Variants in SLC25A21 observed in about 807,000 individuals in gnomAD.
The protein encoded by SLC25A21 is solute carrier family 25 member 21.
A neutral mutation model predicts 43.8 loss-of-function variants in SLC25A21; 47 were observed. The ratio of observed to expected loss-of-function variants is 1.07; its 90% CI spans 0.85 to 1.37. SLC25A21 has a LOEUF of 1.37. Among genes scored for constraint, SLC25A21 ranks in the 40% most tolerant of loss-of-function variants. The pLI, the probability that SLC25A21 is intolerant of heterozygous loss-of-function variation, is 0.00. For missense variants in SLC25A21, 352 were observed against 350.2 expected, an observed-to-expected ratio of 1.00 and a Z score of -0.04; for synonymous variants, 131 against 121.3, an observed-to-expected ratio of 1.08 and a Z score of -0.52.
At position 37,151,789 on chromosome 14, in the gene SLC25A21, C is replaced by T. The variant is rs746558085; in HGVS notation, c.70+20492G>A. 1.6e-4 allele frequency among the ~76,000 whole-genome samples: 24 copies of T among 152,312 alleles called. No individual in the cohort carries two copies. The Middle Eastern group carries it at 0.014, about 86-fold the overall frequency. On this transcript the variant is annotated intron_variant, in intron 1 of 9. Coordinates refer to ENST00000331299, the MANE Select transcript of SLC25A21 (RefSeq NM_030631.4). ...ATTGGCTCATGCCTGGAATCCAGCA[C>T]TTTGGGAGGCCAAGGCGGGCAGATC...
chr14:36,707,928 T>C (rs1317981119), intron 7 of SLC25A21, among the ~76,000 whole-genome samples: 1 of 152,012 alleles, frequency 6.6e-6, no homozygotes, highest in African/African-American at 2.4e-5. Flanking sequence ...AGTTCAAGAC[T>C]AGCCTGGGCA....
At chr14:36,871,086 G>C (rs1029837471) in intron 2 of SLC25A21, 3 of 152,406 alleles carry the variant, frequency 2.0e-5, no homozygotes, top group Admixed American at 6.5e-5. Context: ...AGTCTGAGCA[G>C]AGTGTCCCCT....
rs979232225 is a variant in SLC25A21, at chr14:37,025,055, C to G, written c.70+147226G>C. 9.9e-5 allele frequency among the ~76,000 whole-genome samples: 15 copies of G among 151,962 alleles called. 1 individual carries two copies. The South Asian group carries it at 1.9e-3, about 19-fold the overall frequency. On this transcript the variant is annotated intron_variant, in intron 1 of 9. Coordinates refer to ENST00000331299, the MANE Select transcript of SLC25A21 (RefSeq NM_030631.4). Reference sequence around the variant, plus strand: ...AGGCTTCAAAGTGGGGGACAAGTATCTTTTTAAAAAAAAATAGTGACAGGC... The same window carrying G: ...AGGCTTCAAAGTGGGGGACAAGTATGTTTTTAAAAAAAAATAGTGACAGGC...
intron 1 of SLC25A21, among the ~76,000 whole-genome samples, chr14:36,971,946 C>T (rs1166866635): frequency 6.6e-6 from 1 of 151,980 alleles, no homozygotes; most frequent in Non-Finnish European, 1.5e-5. Flanking sequence ...GACACAAATA[C>T]TATTGGGGAT....
chr14:37,043,890 A>C (rs1323781709), intron 1 of SLC25A21, among the ~76,000 whole-genome samples: 1 of 147,812 alleles, frequency 6.8e-6, no homozygotes, highest in African/African-American at 2.5e-5. Context: ...GTGCACCATC[A>C]TGTCTGGCTA....
intron 1 of SLC25A21, among the ~76,000 whole-genome samples, chr14:36,921,326 A>G (rs1891975655): frequency 6.6e-6 from 1 of 152,172 alleles, no homozygotes; most frequent in African/African-American, 2.4e-5. Context: ...GTTCATACAG[A>G]GTGCATATAT....
chr14:36,906,027 T>C (rs573515938), intron 1 of SLC25A21, among the ~76,000 whole-genome samples: 179 of 152,292 alleles, frequency 1.2e-3, no homozygotes, highest in Non-Finnish European at 2.1e-3. Flanking sequence ...GTCTTTCCCA[T>C]ATTCAAAATA....
At chr14:37,096,883 T>G (rs945800138) in intron 1 of SLC25A21, among the ~76,000 whole-genome samples, 1 of 152,164 alleles carries the variant, frequency 6.6e-6, no homozygotes, top group Non-Finnish European at 1.5e-5. Context: ...TTATTTAGTC[T>G]GTCTAGTGAA....
intron 5 of SLC25A21, among the ~76,000 whole-genome samples, chr14:36,726,678 G>A (rs919303630): frequency 3.9e-5 from 6 of 152,020 alleles, no homozygotes; most frequent in Admixed American, 6.6e-5. Flanking sequence ...TCAAAAATAA[G>A]CACAACAATT....
intron 1 of SLC25A21, among the ~76,000 whole-genome samples, chr14:37,080,523 C>A (rs1340398661): frequency 6.6e-6 from 1 of 152,062 alleles, no homozygotes; most frequent in East Asian, 1.9e-4. Flanking sequence ...TCGCCTGAGC[C>A]CAGGAGGTCG....
chr14:36,692,955 CA>C (rs1882853204), intron 7 of SLC25A21, among the ~76,000 whole-genome samples: 1 of 152,162 alleles, frequency 6.6e-6, no homozygotes, highest in Admixed American at 6.5e-5. Flanking sequence ...GGGGGTATCA[CA>C]AAAGTATTTC....
chr14:37,042,579 T>G (rs1961497180), intron 1 of SLC25A21, among the ~76,000 whole-genome samples: 1 of 152,206 alleles, frequency 6.6e-6, no homozygotes, highest in Admixed American at 6.5e-5. Context: ...ATATGTAAAA[T>G]ATGTCTGTAG....
intron 3 of SLC25A21, among the ~76,000 whole-genome samples, chr14:36,750,526 T>C (rs1253493131): frequency 1.3e-5 from 2 of 152,210 alleles, no homozygotes; most frequent in African/African-American, 4.8e-5. Flanking sequence ...AGACATTGTA[T>C]GAGACATGAG....
chr14:37,114,793 G>T (rs1485537467), intron 1 of SLC25A21, among the ~76,000 whole-genome samples: 2 of 151,628 alleles, frequency 1.3e-5, no homozygotes, highest in African/African-American at 4.9e-5. Flanking sequence ...TATGGCGGGG[G>T]GGGAATTGGT....
At chr14:36,874,028 C>T (rs545577576) in intron 2 of SLC25A21, among the ~76,000 whole-genome samples, 155 of 152,330 alleles carry the variant, frequency 1.0e-3, no homozygotes, top group African/African-American at 3.7e-3. Flanking sequence ...CCCATCTTCC[C>T]TACCTCTATT....
chr14:37,084,419 C>A (rs1767701014), intron 1 of SLC25A21, among the ~76,000 whole-genome samples: 2 of 152,176 alleles, frequency 1.3e-5, no homozygotes, highest in Admixed American at 1.3e-4. Context: ...TGGTAGAGAA[C>A]TGTAAAACAG....
chr14:36,904,996 T>C (rs2138603427), intron 1 of SLC25A21, among the ~76,000 whole-genome samples: 2 of 152,282 alleles, frequency 1.3e-5, no homozygotes, highest in South Asian at 2.1e-4. Flanking sequence ...TTAGATATGA[T>C]TAGAATGAAT....
chr14:37,105,439 C>T (rs754502123), intron 1 of SLC25A21, among the ~76,000 whole-genome samples: 5 of 152,126 alleles, frequency 3.3e-5, no homozygotes, highest in Admixed American at 6.6e-5. Context: ...AAAACAGAAG[C>T]CTAAGGTATC....
chr14:37,023,350 AC>A (rs1405599162), intron 1 of SLC25A21, among the ~76,000 whole-genome samples: 1 of 151,934 alleles, frequency 6.6e-6, no homozygotes, highest in Non-Finnish European at 1.5e-5. Context: ...ACAATTGGAC[AC>A]CCATTTGCTG....
Sources: allele counts gnomAD v4.1 joint callset (sites outside exome capture counted in the v4.1 genomes callset), GRCh38; gene constraint gnomAD v4.1.1; transcripts MANE v1.5; gene names NCBI Gene and HGNC (gene_info 2026-07-23, HGNC 2026-07-21).